The following SMAD6 variants were observed in gnomAD, a reference collection of about 807,000 sequenced individuals.
SMAD6 encodes the protein SMAD family member 6, also known as MAD homolog 6.
In SMAD6, 103 loss-of-function variants were observed where a neutral mutation model predicts 39.4. The ratio of observed to expected loss-of-function variants is 2.62; its 90% CI spans 2.23 to 3.08. The LOEUF (loss-of-function observed/expected upper bound fraction) is 3.08, where lower values mean the gene tolerates loss of function less well. Ranked by LOEUF, SMAD6 falls within the 30% of genes most tolerant of loss-of-function variation. The probability of loss-of-function intolerance (pLI) is 0.00; values close to 1 mark genes in which losing one functional copy is unlikely to be tolerated. For missense variants in SMAD6, 1,104 were observed against 742.9 expected, an observed-to-expected ratio of 1.49 and a Z score of -5.65; for synonymous variants, 445 against 353.3, an observed-to-expected ratio of 1.26 and a Z score of -2.91.
At chr15:66,725,372 C>T (rs939869874) in intron 3 of SMAD6, among the ~76,000 whole-genome samples, 3 of 152,114 alleles carry the variant, frequency 2.0e-5, no homozygotes, top group Non-Finnish European at 4.4e-5. Context: ...CTGCTCTGGC[C>T]CCAGGGAGGG....
intron 3 of SMAD6, among the ~76,000 whole-genome samples, chr15:66,727,450 G>A (rs1473843577): frequency 6.6e-6 from 1 of 152,188 alleles, no homozygotes; most frequent in Non-Finnish European, 1.5e-5. Flanking sequence ...GGCTGCCAGG[G>A]AGGCTGGGGT....
chr15:66,751,160 A>T (rs1416662847), intron 3 of SMAD6, among the ~76,000 whole-genome samples: 1 of 152,132 alleles, frequency 6.6e-6, no homozygotes, highest in African/African-American at 2.4e-5. Flanking sequence ...CAAAATGTTG[A>T]GCCTTATTCT....
At chr15:66,753,739 A>AT (rs915898082) in intron 3 of SMAD6, among the ~76,000 whole-genome samples, 52 of 151,152 alleles carry the variant, frequency 3.4e-4, no homozygotes, top group Admixed American at 2.3e-3. Context: ...GGAAATTTAC[A>AT]TTTTTTTTTC....
intron 3 of SMAD6, chr15:66,717,404 TG>T (rs1419131353): frequency 2.2e-6 from 1 of 456,140 alleles, no homozygotes; most frequent in South Asian, 1.5e-5. Flanking sequence ...GCACTCCACT[TG>T]GCCGCTTTAT....
At chr15:66,765,934 G>A (rs771578655) in intron 3 of SMAD6, among the ~76,000 whole-genome samples, 1 of 152,162 alleles carries the variant, frequency 6.6e-6, no homozygotes, top group African/African-American at 2.4e-5. Context: ...AGGTGGCCAG[G>A]AATGCAACCT....
chr15:66,728,274 C>G (rs1240614534), intron 3 of SMAD6, among the ~76,000 whole-genome samples: 1 of 152,250 alleles, frequency 6.6e-6, no homozygotes, highest in Non-Finnish European at 1.5e-5. Flanking sequence ...CAGCTCTATC[C>G]TGACTTCTAA....
chr15:66,769,614 C>T (rs1213514364), intron 3 of SMAD6, among the ~76,000 whole-genome samples: 1 of 152,202 alleles, frequency 6.6e-6, no homozygotes, highest in Admixed American at 6.5e-5. Flanking sequence ...GACATTTCTA[C>T]ACCAGTGTGG....
At chr15:66,730,666 A>G (rs1028389485) in intron 3 of SMAD6, among the ~76,000 whole-genome samples, 2 of 152,266 alleles carry the variant, frequency 1.3e-5, no homozygotes, top group African/African-American at 2.4e-5. Context: ...AGGAGTAGTA[A>G]TAACAGTGGC....
At chr15:66,704,184 G>T in intron 1 of SMAD6, 109 bp downstream of exon 1, 1 of 930,702 alleles carries the variant, frequency 1.1e-6, no homozygotes, top group Non-Finnish European at 1.4e-6. Context: ...TGCTCCCCCG[G>T]GTGCCCTTGG....
intron 2 of SMAD6, among the ~76,000 whole-genome samples, chr15:66,713,850 C>G (rs952675488): frequency 8.5e-5 from 13 of 152,176 alleles, no homozygotes; most frequent in African/African-American, 3.1e-4. Context: ...AATGGGGGAG[C>G]CTTAGTTCTC....
chr15:66,774,159 G>A (rs1894425946), intron 3 of SMAD6, among the ~76,000 whole-genome samples: 1 of 152,208 alleles, frequency 6.6e-6, no homozygotes, highest in African/African-American at 2.4e-5. Flanking sequence ...CTGGCCAAAA[G>A]GAAAGCGGGG....
In SMAD6 at chr15:66,781,105, T is replaced by G; in HGVS notation, c.1061T>G (p.Val354Gly). 1 of 1,608,762 alleles carries G rather than the reference T, an allele frequency of 6.2e-7. No individual in the cohort carries two copies. The highest frequency in any genetic ancestry group is 8.5e-7 in the Non-Finnish European group (1 of 1,179,644). Residue 354 changes from valine to glycine, a missense_variant, in exon 4 of 4, where the codon GTC becomes GGC. Coordinates refer to ENST00000288840, the MANE Select transcript of SMAD6 (RefSeq NM_005585.5). ...GRLYAVYDQA[V>G]SIFYDLPQGS... ...CTCTATGCGGTGTACGACCAGGCCG[T>G]CAGCATCTTCTACGACCTACCTCAG...
intron 3 of SMAD6, among the ~76,000 whole-genome samples, chr15:66,750,015 C>A (rs1004636702): frequency 2.6e-5 from 4 of 152,186 alleles, no homozygotes; most frequent in African/African-American, 7.2e-5. Context: ...ACATGGGAAG[C>A]ACACACAGCC....
chr15:66,702,247 G>C lies in SMAD6; in HGVS notation c.-1012G>C, dbSNP rs1892985142. ...GTGTCTAGACTGGCATATGATGGGA[G>C]GCAGCCAATGACTCCGCGGCGCTCC... is the stretch of plus-strand genomic sequence containing the variant. On this transcript the variant is annotated 5_prime_UTR_variant, in exon 1 of 4. Transcript: ENST00000288840. 6.6e-6 allele frequency: 1 copy of C among 152,306 alleles called. No homozygotes were observed. Among genetic ancestry groups the C allele is most frequent in the African/African-American group, 2.4e-5 (1 of 41,462 alleles). The allele number at this position is 152,306 out of a possible 1,614,324, so 9.4% of individuals were successfully genotyped here.
intron 3 of SMAD6, among the ~76,000 whole-genome samples, chr15:66,752,162 G>A (rs1894018348): frequency 6.6e-6 from 1 of 151,634 alleles, no homozygotes; most frequent in Admixed American, 6.6e-5. Flanking sequence ...TGAGGCCTAG[G>A]AAGCTTTTCT....
intron 3 of SMAD6, among the ~76,000 whole-genome samples, chr15:66,754,289 G>A (rs1894059316): frequency 6.6e-6 from 1 of 152,130 alleles, no homozygotes; most frequent in Admixed American, 6.5e-5. Flanking sequence ...CCTGGCTCTG[G>A]GTGTCACTGC....
rs1486242174 is a variant in SMAD6 at position 66,702,290 on chromosome 15, T to C, written c.-969T>C. 6.6e-6 allele frequency: 1 copy of C among 152,066 alleles called. No individual in the cohort carries two copies. The highest frequency in any genetic ancestry group is 1.5e-5 in the Non-Finnish European group (1 of 68,044). 9.4% of individuals were successfully genotyped at this position (152,066 alleles called of 1,614,324 possible). On this transcript the variant is annotated 5_prime_UTR_variant, in exon 1 of 4. Transcript: ENST00000288840. ...GGCGCTCCTCCGGGGGCCCTCAGTG[T>C]GCGTTTGAGGAGAACAAAAAAGAGA...
chr15:66,728,132 C>T (rs1273842323), intron 3 of SMAD6, among the ~76,000 whole-genome samples: 2 of 152,126 alleles, frequency 1.3e-5, no homozygotes, highest in African/African-American at 4.8e-5. Flanking sequence ...GGATTACTGG[C>T]GTGAGCCACA....
intron 3 of SMAD6, among the ~76,000 whole-genome samples, chr15:66,778,808 A>G (rs1894510386): frequency 6.6e-6 from 1 of 152,084 alleles, no homozygotes; most frequent in Non-Finnish European, 1.5e-5. Flanking sequence ...CAGTTTCCTC[A>G]CCTGTGGAAT....
Sources: gnomAD v4.1 joint callset for allele counts (sites outside exome capture counted in the v4.1 genomes callset) on GRCh38, gnomAD v4.1.1 for gene constraint, MANE v1.5 for transcripts, NCBI Gene and HGNC (gene_info 2026-07-23, HGNC 2026-07-21) for gene names.